The following ZNF423 variants were observed in gnomAD, a reference collection of about 807,000 sequenced individuals.
ZNF423 encodes Ebf-associated zinc finger protein.
Under a neutral mutation model 95.8 loss-of-function variants are expected in ZNF423, and 12 were observed. The observed-to-expected ratio is 0.13, with a 90% confidence interval of 0.08 to 0.20. The LOEUF (loss-of-function observed/expected upper bound fraction) is 0.20. Among genes scored for constraint, ZNF423 ranks in the 10% least tolerant of loss-of-function variants. The pLI is 1.00. For synonymous variants in ZNF423, 749 were observed against 711.9 expected, an observed-to-expected ratio of 1.05 and a Z score of -0.83; for missense variants, 1,316 against 1,737.1, an observed-to-expected ratio of 0.76 and a Z score of 4.31.
chr16:49,549,104 C>T (rs1343494140), intron 5 of ZNF423, among the ~76,000 whole-genome samples: 2 of 152,176 alleles, frequency 1.3e-5, no homozygotes, highest in South Asian at 2.1e-4. Context: ...TTCAAAGACT[C>T]GAACTATTGA....
intron 5 of ZNF423, among the ~76,000 whole-genome samples, chr16:49,605,406 TC>T (rs1483844665): frequency 6.6e-6 from 1 of 152,198 alleles, no homozygotes; most frequent in African/African-American, 2.4e-5. Context: ...AGCCTCAGCT[TC>T]CTGAAAAGTA....
chr16:49,657,231 T>C (rs2029923482), intron 3 of ZNF423, among the ~76,000 whole-genome samples: 1 of 152,194 alleles, frequency 6.6e-6, no homozygotes, highest in African/African-American at 2.4e-5. Context: ...CCCCTGCTTC[T>C]CAGTCAAATC....
At chr16:49,508,448 A>T (rs1967745011) in intron 7 of ZNF423, among the ~76,000 whole-genome samples, 1 of 144,816 alleles carries the variant, frequency 6.9e-6, no homozygotes, top group South Asian at 2.4e-4. Context: ...TGAACCCAGG[A>T]GTTCAAGGCT....
chr16:49,709,283 G>A (rs559246053), intron 3 of ZNF423, among the ~76,000 whole-genome samples: 2 of 151,530 alleles, frequency 1.3e-5, no homozygotes, highest in East Asian at 2.0e-4. Flanking sequence ...ACCATCCCTC[G>A]AGGTCAGGAC....
At position 49,557,202 on chromosome 16, in the gene ZNF423, C is replaced by CCGCCAT. The variant is rs992842448; in HGVS notation, c.3602-31714_3602-31709dup. On this transcript the variant is annotated intron_variant, in intron 5 of 7. Coordinates refer to ENST00000563137, the MANE Select transcript of ZNF423 (RefSeq NM_001379286.1). ...CTGTTCTAATCTTACCAACTGCACG[C>CCGCCAT]CGCCATCGGAGAGTATTCCTAGGGC... is the stretch of plus-strand genomic sequence containing the variant. 2.0e-4 allele frequency among the ~76,000 whole-genome samples: 30 copies of CCGCCAT among 152,342 alleles called. 1 individual carries two copies. The highest frequency in any genetic ancestry group is 1.7e-3 in the East Asian group (9 of 5,184).
intron 2 of ZNF423, among the ~76,000 whole-genome samples, chr16:49,754,026 C>T (rs989023437): frequency 4.5e-4 from 64 of 141,776 alleles, no homozygotes; most frequent in Admixed American, 2.9e-4. Context: ...AGCAAGACTC[C>T]GTCAAAAAAA....
chr16:49,561,616 C>CT (rs938650500), intron 5 of ZNF423, among the ~76,000 whole-genome samples: 9 of 152,044 alleles, frequency 5.9e-5, no homozygotes, highest in African/African-American at 1.7e-4. Flanking sequence ...AAATTGATTC[C>CT]TTTTTTTGCC....
At chr16:49,649,319 G>T (rs1973299359) in intron 3 of ZNF423, among the ~76,000 whole-genome samples, 1 of 152,188 alleles carries the variant, frequency 6.6e-6, no homozygotes, top group South Asian at 2.1e-4. Flanking sequence ...CCCATCTCTT[G>T]ATAGAGAGAA....
At chr16:49,508,970 G>A (rs1380584700) in intron 7 of ZNF423, among the ~76,000 whole-genome samples, 1 of 152,184 alleles carries the variant, frequency 6.6e-6, no homozygotes, top group Non-Finnish European at 1.5e-5. Flanking sequence ...GCTCTAAGGA[G>A]GAAAGCTGTG....
At chr16:49,691,627 G>A (rs1234322306) in intron 3 of ZNF423, among the ~76,000 whole-genome samples, 1 of 152,052 alleles carries the variant, frequency 6.6e-6, no homozygotes, top group Non-Finnish European at 1.5e-5. Flanking sequence ...AGCTACTCAG[G>A]AGGCTGAGGC....
intron 2 of ZNF423, among the ~76,000 whole-genome samples, chr16:49,774,812 C>T (rs1326041344): frequency 6.6e-6 from 1 of 152,036 alleles, no homozygotes; most frequent in Non-Finnish European, 1.5e-5. Context: ...ACAGAGCTTC[C>T]CAAACTGTGT....
chr16:49,762,021 A>G (rs1242847727), intron 2 of ZNF423, among the ~76,000 whole-genome samples: 1 of 152,192 alleles, frequency 6.6e-6, no homozygotes, highest in East Asian at 1.9e-4. Context: ...TATGTTGCCC[A>G]GGATGGTCTC....
intron 1 of ZNF423, among the ~76,000 whole-genome samples, chr16:49,819,405 G>C (rs1231370050): frequency 6.6e-6 from 1 of 151,970 alleles, no homozygotes; most frequent in Non-Finnish European, 1.5e-5. Context: ...CACTGGTCTA[G>C]ACTCTAGAGC....
chr16:49,774,155 C>T (rs2034081960), intron 2 of ZNF423, among the ~76,000 whole-genome samples: 2 of 152,220 alleles, frequency 1.3e-5, no homozygotes, highest in Admixed American at 1.3e-4. Flanking sequence ...TGTGGCTTTG[C>T]AGAAGTCAGG....
intron 1 of ZNF423, among the ~76,000 whole-genome samples, chr16:49,815,871 AAAAAAAAAAAATATATATATAT>A (rs1567356005): frequency 2.3e-4 from 6 of 25,834 alleles, no homozygotes; most frequent in African/African-American, 1.1e-3. Context: ...CCAAACAAAC[AAAAAAAAAAAATATATATATAT>A]ATATATATAT....
intron 6 of ZNF423, 83 bp downstream of exon 6, chr16:49,525,280 G>A: frequency 6.4e-7 from 1 of 1,567,706 alleles, no homozygotes; most frequent in Non-Finnish European, 8.7e-7. Context: ...AAGAGGAAGA[G>A]CACACACTGG....
intron 3 of ZNF423, among the ~76,000 whole-genome samples, chr16:49,721,068 C>T (rs771573863): frequency 2.0e-5 from 3 of 152,200 alleles, no homozygotes; most frequent in Non-Finnish European, 2.9e-5. Flanking sequence ...GATGTACACA[C>T]GGTGATGGGG....
chr16:49,689,010 CAGG>C (rs1434582535), intron 3 of ZNF423, among the ~76,000 whole-genome samples: 2 of 152,170 alleles, frequency 1.3e-5, no homozygotes, highest in Non-Finnish European at 2.9e-5. Flanking sequence ...CCAGGCACCT[CAGG>C]AGATCTTGGC....
At chr16:49,719,882 A>G (rs1243726623) in intron 3 of ZNF423, among the ~76,000 whole-genome samples, 3 of 152,232 alleles carry the variant, frequency 2.0e-5, no homozygotes, top group Non-Finnish European at 4.4e-5. Flanking sequence ...GGAACGCACG[A>G]GAGAGGTTCA....
Sources: allele counts gnomAD v4.1 joint callset (sites outside exome capture counted in the v4.1 genomes callset), GRCh38; gene constraint gnomAD v4.1.1; transcripts MANE v1.5; gene names NCBI Gene and HGNC (gene_info 2026-07-23, HGNC 2026-07-21).